Variants in IGSF5 observed in about 807,000 individuals in gnomAD.
IGSF5 encodes the protein immunoglobulin superfamily 5 like.
IGSF5 carries 41 observed loss-of-function variants against 39.4 expected under a neutral mutation model. The observed-to-expected ratio is 1.04, with a 90% CI of 0.81 to 1.35. The LOEUF is 1.35. Among genes scored for constraint, IGSF5 ranks in the 40% most tolerant of loss-of-function variants. The pLI is 0.00. For missense variants in IGSF5, 487 were observed against 494.6 expected (o/e 0.98, Z 0.15); for synonymous variants, 183 against 175.3 (o/e 1.04, Z -0.34).
At chr21:39,731,654 T>C in the IGSF5 span, among the ~76,000 whole-genome samples, 1 of 152,200 alleles carries the variant, frequency 6.6e-6, no homozygotes, top group Non-Finnish European at 1.5e-5. Flanking sequence ...AAGTAGCTTT[T>C]AGAAGCTGAG....
At chr21:39,798,291 ACG>A (rs2087009060) in intron 8 of IGSF5, among the ~76,000 whole-genome samples, 3 of 152,062 alleles carry the variant, frequency 2.0e-5, no homozygotes, top group African/African-American at 7.3e-5. Flanking sequence ...TTCACCCTGC[ACG>A]ATGGGTACTC....
chr21:39,729,335 A>T, the IGSF5 span: 1 of 152,382 alleles, frequency 6.6e-6, no homozygotes, highest in African/African-American at 2.4e-5. Context: ...CAGAATTTCC[A>T]CCATGACCAT....
chr21:39,758,707 T>C (rs2080045607), intron 2 of IGSF5, among the ~76,000 whole-genome samples: 1 of 152,172 alleles, frequency 6.6e-6, no homozygotes. Flanking sequence ...AGGCATAGTG[T>C]ATAGTCTATA....
chr21:39,769,689 A>G (rs2080104797), intron 3 of IGSF5, among the ~76,000 whole-genome samples: 1 of 152,160 alleles, frequency 6.6e-6, no homozygotes, highest in African/African-American at 2.4e-5. Flanking sequence ...AGAGATTTAT[A>G]TAAGTATAAA....
rs776404662 is a variant in IGSF5, at chr21:39,769,197, C to G, written c.419-1719C>G. Among the ~76,000 whole-genome samples, 93 of 152,142 alleles carry G rather than the reference C, an allele frequency of 6.1e-4. 1 individual carries two copies. The highest frequency in any genetic ancestry group is 2.1e-3 in the African/African-American group (88 of 41,428). ...TAACAAACATTTAAGAAACCTCAGC[C>G]GGGAATGGTGGCTCATGCCTGTAAT... On this transcript the variant is annotated intron_variant, in intron 3 of 8. Transcript: ENST00000380588.
chr21:39,748,314 T>TTTTC (rs1326274092), intron 2 of IGSF5, among the ~76,000 whole-genome samples: 1 of 122,192 alleles, frequency 8.2e-6, no homozygotes, highest in East Asian at 2.8e-4. Flanking sequence ...TTTTTTTTTT[T>TTTTC]TTTTTTTTTT....
chr21:39,726,559 G>A, the IGSF5 span, among the ~76,000 whole-genome samples: 7 of 152,186 alleles, frequency 4.6e-5, no homozygotes, highest in African/African-American at 1.7e-4. Context: ...CAGGGTGGAG[G>A]CGGTGCATGC....
intron 2 of IGSF5, among the ~76,000 whole-genome samples, chr21:39,763,017 G>T (rs765588616): frequency 8.5e-5 from 13 of 152,152 alleles, no homozygotes; most frequent in Non-Finnish European, 1.8e-4. Flanking sequence ...AAGTGAGGCA[G>T]GTGACTGTGG....
the IGSF5 span, among the ~76,000 whole-genome samples, chr21:39,714,072 C>T: frequency 2.0e-5 from 3 of 152,224 alleles, no homozygotes; most frequent in East Asian, 1.9e-4. Flanking sequence ...ATCCATCCCA[C>T]GTGAGCGCGA....
intron 2 of IGSF5, among the ~76,000 whole-genome samples, chr21:39,749,658 A>C (rs563619181): frequency 2.0e-5 from 3 of 152,232 alleles, no homozygotes; most frequent in Non-Finnish European, 4.4e-5. Flanking sequence ...GACATCAATC[A>C]ATAAGTGTAA....
At chr21:39,715,654 TAAG>T in the IGSF5 span, among the ~76,000 whole-genome samples, 5 of 152,336 alleles carry the variant, frequency 3.3e-5, no homozygotes, top group Admixed American at 3.3e-4. Flanking sequence ...TGTAAACAAA[TAAG>T]AAAATAGATC....
chr21:39,725,561 C>T, the IGSF5 span, among the ~76,000 whole-genome samples: 1 of 152,180 alleles, frequency 6.6e-6, no homozygotes, highest in African/African-American at 2.4e-5. Flanking sequence ...AACACCTCAG[C>T]AAATCCGAAT....
chr21:39,716,564 A>G, the IGSF5 span, among the ~76,000 whole-genome samples: 7 of 152,072 alleles, frequency 4.6e-5, no homozygotes, highest in Non-Finnish European at 1.0e-4. Context: ...AGTTCTTATC[A>G]TTTAGCTCCC....
At chr21:39,744,077 G>T (rs1027223669), upstream of IGSF5, among the ~76,000 whole-genome samples, 2 of 152,030 alleles carry the variant, frequency 1.3e-5, no homozygotes, top group African/African-American at 4.8e-5. Flanking sequence ...TCCTTTCCAG[G>T]GTGCGTAACC....
intron 4 of IGSF5, among the ~76,000 whole-genome samples, chr21:39,773,169 CTCT>C (rs2080123356): frequency 6.6e-6 from 1 of 152,118 alleles, no homozygotes; most frequent in Admixed American, 6.5e-5. Flanking sequence ...TGTTGTTCCC[CTCT>C]ATGTATCCTT....
intron 5 of IGSF5, among the ~76,000 whole-genome samples, chr21:39,785,583 A>G (rs553441304): frequency 5.7e-4 from 87 of 152,236 alleles, no homozygotes; most frequent in Admixed American, 7.8e-4. Context: ...GTTTTTTCCA[A>G]TTCAGTGAAG....
At chr21:39,770,855 A>G (rs2080110116) in intron 3 of IGSF5, 61 bp from the exon 4 acceptor site, 8 of 1,181,752 alleles carry the variant, frequency 6.8e-6, no homozygotes, top group Non-Finnish European at 8.8e-6. Flanking sequence ...AAAAAAAAAG[A>G]AAACTTAGAA....
intron 2 of IGSF5, among the ~76,000 whole-genome samples, chr21:39,754,109 G>A (rs2080018530): frequency 6.6e-6 from 1 of 152,148 alleles, no homozygotes; most frequent in Non-Finnish European, 1.5e-5. Flanking sequence ...GCTTTAAGCA[G>A]GTTCTATTTG....
the IGSF5 span, among the ~76,000 whole-genome samples, chr21:39,733,220 G>A: frequency 1.3e-5 from 2 of 152,048 alleles, no homozygotes; most frequent in Non-Finnish European, 2.9e-5. Context: ...GTATTCTTAT[G>A]ATGTATTTAA....
Sources: allele counts gnomAD v4.1 joint callset (sites outside exome capture counted in the v4.1 genomes callset), GRCh38; gene constraint gnomAD v4.1.1; transcripts MANE v1.5; gene names NCBI Gene and HGNC (gene_info 2026-07-23, HGNC 2026-07-21).